KRABD2: variants seen among roughly 807,000 people sequenced by gnomAD.
The protein encoded by KRABD2 is KRAB domain-containing protein 2.
the KRABD2 span, chr17:8,375,733 C>A: frequency 1.3e-5 from 3 of 235,522 alleles, no homozygotes; most frequent in Non-Finnish European, 1.4e-5. Context: ...GACGGGGTCT[C>A]ATTATGTTGC....
At chr17:8,359,168 C>G in the KRABD2 span, among the ~76,000 whole-genome samples, 1 of 152,180 alleles carries the variant, frequency 6.6e-6, no homozygotes, top group South Asian at 2.1e-4. Flanking sequence ...TAATTAGATT[C>G]AAGTAGCGCA....
the KRABD2 span, among the ~76,000 whole-genome samples, chr17:8,366,639 G>A: frequency 2.6e-5 from 4 of 152,108 alleles, no homozygotes; most frequent in African/African-American, 7.2e-5. Context: ...CTCCTGAAGC[G>A]GGAAACAGAG....
chr17:8,376,451 G>C, the KRABD2 span: 2 of 1,030,514 alleles, frequency 1.9e-6, no homozygotes, highest in Non-Finnish European at 2.3e-6. Flanking sequence ...ACACCACACG[G>C]GCACGCCCGC....
the KRABD2 span, among the ~76,000 whole-genome samples, chr17:8,364,088 C>T: frequency 6.6e-6 from 1 of 151,648 alleles, no homozygotes; most frequent in African/African-American, 2.4e-5. The surrounding 1 kb of genome is among the most constrained non-coding windows in gnomAD (Gnocchi z 4.4). Flanking sequence ...AGGCTGGTCT[C>T]GAACTCCTGA....
chr17:8,369,606 T>C, the KRABD2 span: 5 of 1,614,212 alleles, frequency 3.1e-6, no homozygotes, highest in South Asian at 4.4e-5. Flanking sequence ...ATTGAGCTCA[T>C]GAACAACCTG....
At chr17:8,371,849 AAG>A in the KRABD2 span, 1 of 1,041,652 alleles carries the variant, frequency 9.6e-7, no homozygotes, top group Non-Finnish European at 1.2e-6. Flanking sequence ...TCCTGCAGAA[AAG>A]AGATACCCCA....
the KRABD2 span, among the ~76,000 whole-genome samples, chr17:8,364,796 G>A: frequency 6.6e-6 from 1 of 152,108 alleles, no homozygotes; most frequent in Non-Finnish European, 1.5e-5. The surrounding 1 kb of genome is among the most constrained non-coding windows in gnomAD (Gnocchi z 4.4). Flanking sequence ...CACTTTGGGA[G>A]GCCAAGGTGG....
the KRABD2 span, chr17:8,359,448 C>T: frequency 5.2e-6 from 2 of 381,474 alleles, no homozygotes; most frequent in Admixed American, 3.3e-5. Context: ...TACAGACTTA[C>T]AAGTCTTTAC....
chr17:8,369,525 C>T, the KRABD2 span: 2 of 1,614,120 alleles, frequency 1.2e-6, no homozygotes, highest in South Asian at 1.1e-5. Flanking sequence ...ACGGCTTGCT[C>T]CTTCCAGGGA....
chr17:8,359,378 A>G, the KRABD2 span: 2 of 356,668 alleles, frequency 5.6e-6, no homozygotes, highest in Non-Finnish European at 1.1e-5. Flanking sequence ...AATGTTCAGC[A>G]GTGATCTGCA....
At chr17:8,364,345 ATTTTTCTTTTTCT>A in the KRABD2 span, among the ~76,000 whole-genome samples, 17 of 151,840 alleles carry the variant, frequency 1.1e-4, no homozygotes, top group Non-Finnish European at 2.1e-4. This position sits in a 1 kb window ranked among gnomAD's most constrained non-coding sequence, Gnocchi z 4.4. Context: ...GTTGCTGGCC[ATTTTTCTTTTTCT>A]TTTTTCTTTT....
At chr17:8,363,852 T>TAATATATATATC in the KRABD2 span, among the ~76,000 whole-genome samples, 2 of 89,176 alleles carry the variant, frequency 2.2e-5, no homozygotes, top group African/African-American at 8.3e-5. Context: ...TATATATATA[T>TAATATATATATC]ATATATATAT....
chr17:8,373,117 C>T, the KRABD2 span, among the ~76,000 whole-genome samples: 6 of 150,838 alleles, frequency 4.0e-5, no homozygotes, highest in Admixed American at 6.6e-5. Flanking sequence ...TCTCCATCTC[C>T]GTCTCCACGG....
chr17:8,359,689 AG>A, the KRABD2 span: 1 of 456,034 alleles, frequency 2.2e-6, no homozygotes, highest in Non-Finnish European at 4.4e-6. Context: ...CTACAGATGA[AG>A]AAGGGTGGCA....
chr17:8,376,258 C>T, the KRABD2 span: 22 of 1,229,270 alleles, frequency 1.8e-5, no homozygotes, highest in Non-Finnish European at 2.2e-5. Context: ...GCGGTACGGC[C>T]GAGTCTACGC....
At chr17:8,376,455 C>G in the KRABD2 span, 1 of 1,027,966 alleles carries the variant, frequency 9.7e-7, no homozygotes, top group Non-Finnish European at 1.2e-6. Context: ...CACACGGGCA[C>G]GCCCGCTTAT....
chr17:8,371,558 G>T, the KRABD2 span: 3 of 1,566,908 alleles, frequency 1.9e-6, no homozygotes, highest in African/African-American at 4.1e-5. Flanking sequence ...CTCTGAAAGC[G>T]AGTCAGGTGA....
At chr17:8,362,761 C>T in the KRABD2 span, among the ~76,000 whole-genome samples, 5 of 152,166 alleles carry the variant, frequency 3.3e-5, no homozygotes, top group Non-Finnish European at 5.9e-5. The surrounding 1 kb of genome is among the most constrained non-coding windows in gnomAD (Gnocchi z 4.2). Flanking sequence ...CAGCCAGGGC[C>T]GAGGGCCCAG....
At chr17:8,363,881 ATTTT>A in the KRABD2 span, among the ~76,000 whole-genome samples, 1,370 of 63,254 alleles carry the variant, frequency 0.022, 19 homozygotes, top group Admixed American at 0.044. Flanking sequence ...TTATTTATTT[ATTTT>A]TTAGACAGAT....
Sources: allele counts gnomAD v4.1 joint callset (sites outside exome capture counted in the v4.1 genomes callset), GRCh38; gene constraint gnomAD v4.1.1; non-coding constraint Gnocchi (gnomAD v3.1); transcripts MANE v1.5; gene names NCBI Gene and HGNC (gene_info 2026-07-23, HGNC 2026-07-21).